TLL2: variants seen among roughly 807,000 people sequenced by gnomAD.
TLL2 encodes the protein tolloid-like protein 2.
TLL2 carries 106 observed loss-of-function variants against 123.0 expected under a neutral mutation model. The observed-to-expected ratio is 0.86, with a 90% CI of 0.74 to 1.01. The LOEUF is 1.01. TLL2 is among the 50% of genes least tolerant of loss of function. The pLI, the probability that TLL2 is intolerant of heterozygous loss-of-function variation, is 0.00. For missense variants in TLL2, 1,332 were observed against 1,336.7 expected, an observed-to-expected ratio of 1.00 and a Z score of 0.06; for synonymous variants, 494 against 516.8, an observed-to-expected ratio of 0.96 and a Z score of 0.60.
intron 1 of TLL2, among the ~76,000 whole-genome samples, chr10:96,512,449 C>G (rs1472357560): frequency 6.6e-6 from 1 of 152,236 alleles, no homozygotes; most frequent in South Asian, 2.1e-4. Flanking sequence ...GCCCACAGGC[C>G]CCGCAGAGAC....
chr10:96,513,636 A>C lies in TLL2; in HGVS notation c.50T>G (p.Leu17Arg), dbSNP rs767711021. Residue 17 changes from leucine to arginine, a missense_variant, in exon 1 of 21, where the codon CTG (leucine) becomes CGG (arginine). Leu to Arg is a moderately radical substitution (Grantham distance 102). Coordinates refer to ENST00000357947, the MANE Select transcript of TLL2 (RefSeq NM_012465.4). Reference protein sequence around the residue: ...LGALVSLLLLLPLPRGAGGLG... With the variant: ...LGALVSLLLLRPLPRGAGGLG... ...TCCCCCGGCGCCGCGAGGCAGCGGC[A>C]GCAGCAGCAGCAGTGACACCAGGGC... is the stretch of plus-strand genomic sequence containing the variant. 4.5e-6 allele frequency: 7 copies of C among 1,570,066 alleles called. No homozygotes were observed. In the South Asian group the frequency reaches 8.0e-5, roughly 18 times the overall value.
chr10:96,407,643 C>T (rs1475538883), intron 9 of TLL2, among the ~76,000 whole-genome samples: 1 of 152,250 alleles, frequency 6.6e-6, no homozygotes, highest in African/African-American at 2.4e-5. Context: ...CCACACCTCG[C>T]AAGCTGCCCA....
At chr10:96,513,262 GCT>G (rs776851187) in intron 1 of TLL2, among the ~76,000 whole-genome samples, 1 of 152,158 alleles carries the variant, frequency 6.6e-6, no homozygotes, top group African/African-American at 2.4e-5. Context: ...TCTGGCACCC[GCT>G]CTGATTCGCT....
At chr10:96,492,586 T>G (rs896963389) in intron 1 of TLL2, among the ~76,000 whole-genome samples, 5 of 152,200 alleles carry the variant, frequency 3.3e-5, no homozygotes, top group African/African-American at 1.2e-4. Flanking sequence ...ATCGCTCCAA[T>G]GCACTCCAGC....
chr10:96,485,876 T>C (rs1357797408), intron 1 of TLL2, among the ~76,000 whole-genome samples: 1 of 152,142 alleles, frequency 6.6e-6, no homozygotes, highest in Non-Finnish European at 1.5e-5. Flanking sequence ...TGCAGCGCCA[T>C]TTTTCCCCCA....
chr10:96,373,815 G>A lies in TLL2; in HGVS notation c.2449-6C>T, dbSNP rs1377175215. On this transcript the variant is annotated splice_polypyrimidine_tract_variant and splice_region_variant and intron_variant, in intron 18 of 20. Transcript: ENST00000357947. ...ATCTCAAACTCATTAAAGGTCTGGG[G>A]ACAGAAGAGCAGAAAGTAAGGCAAG... 1 of 1,612,444 alleles carries A rather than the reference G, an allele frequency of 6.2e-7. No individual in the cohort carries two copies. The highest frequency in any genetic ancestry group is 8.5e-7 in the Non-Finnish European group (1 of 1,179,736).
At position 96,483,109 on chromosome 10, in the gene TLL2, C is replaced by T. The variant is rs150548360; in HGVS notation, c.176-2650G>A. Among the ~76,000 whole-genome samples, 467 of 152,258 alleles carry T rather than the reference C, an allele frequency of 3.1e-3. 3 individuals are homozygous for T. The highest frequency in any genetic ancestry group is 0.023 in the East Asian group (120 of 5,182). ...GCGTAGGACCAAAAAAAGTCATTAG[C>T]ATGGCCTATAAGAGGCTGCTAATGT... is the stretch of plus-strand genomic sequence containing the variant. On this transcript the variant is annotated intron_variant, in intron 1 of 20. Coordinates refer to ENST00000357947, the MANE Select transcript of TLL2 (RefSeq NM_012465.4).
chr10:96,486,316 T>C (rs988763178), intron 1 of TLL2, among the ~76,000 whole-genome samples: 1 of 152,224 alleles, frequency 6.6e-6, no homozygotes, highest in Non-Finnish European at 1.5e-5. Context: ...CTGGGTTTTA[T>C]CCATATAGTT....
At chr10:96,437,591 A>C (rs939108087) in intron 3 of TLL2, among the ~76,000 whole-genome samples, 2 of 152,142 alleles carry the variant, frequency 1.3e-5, no homozygotes, top group Non-Finnish European at 2.9e-5. Context: ...GGCAACCACC[A>C]GTCTGTTTCC....
intron 1 of TLL2, among the ~76,000 whole-genome samples, chr10:96,508,630 A>G (rs1203485274): frequency 6.6e-6 from 1 of 152,072 alleles, no homozygotes; most frequent in South Asian, 2.1e-4. Flanking sequence ...CAGCATTTTC[A>G]TATCATTTGA....
At chr10:96,431,468 A>G (rs1277445327) in intron 4 of TLL2, among the ~76,000 whole-genome samples, 2 of 152,178 alleles carry the variant, frequency 1.3e-5, no homozygotes, top group Admixed American at 1.3e-4. Context: ...CTCAGAGTAG[A>G]GGTCACAGAG....
intron 7 of TLL2, among the ~76,000 whole-genome samples, chr10:96,420,180 G>A (rs1846605209): frequency 6.6e-6 from 1 of 152,208 alleles, no homozygotes; most frequent in Non-Finnish European, 1.5e-5. Flanking sequence ...AAAGTACCAA[G>A]AGAGAAAATA....
chr10:96,441,694 C>G (rs1342301257), intron 3 of TLL2, among the ~76,000 whole-genome samples: 1 of 152,090 alleles, frequency 6.6e-6, no homozygotes, highest in Non-Finnish European at 1.5e-5. Context: ...GCGGTGGTGA[C>G]CCAGGTAATG....
chr10:96,405,897 C>T (rs1039992998), intron 9 of TLL2, among the ~76,000 whole-genome samples: 14 of 152,180 alleles, frequency 9.2e-5, no homozygotes, highest in African/African-American at 3.1e-4. Context: ...TCAGCCTGTG[C>T]TGGCCAATTG....
intron 2 of TLL2, among the ~76,000 whole-genome samples, 193 bp downstream of exon 2, chr10:96,480,156 T>C (rs2281802): frequency 0.87 from 132,152 of 152,198 alleles, 57,392 homozygotes; most frequent in Middle Eastern, 0.97. Context: ...TTTTCTTAGA[T>C]GAATCAGCAA....
At chr10:96,416,175 G>T (rs914397462) in intron 7 of TLL2, among the ~76,000 whole-genome samples, 2 of 152,140 alleles carry the variant, frequency 1.3e-5, no homozygotes, top group African/African-American at 2.4e-5. Context: ...CTGCCCTAAC[G>T]AAAGGTGTGT....
chr10:96,388,494 C>A (rs1047988905), intron 13 of TLL2, among the ~76,000 whole-genome samples: 1 of 152,194 alleles, frequency 6.6e-6, no homozygotes, highest in Non-Finnish European at 1.5e-5. Context: ...TGGTAAAGAC[C>A]TGGAAAGTTA....
chr10:96,433,108 C>G, intron 3 of TLL2, 146 bp from the exon 4 acceptor site: 1 of 1,100,486 alleles, frequency 9.1e-7, no homozygotes, highest in South Asian at 1.7e-5. Flanking sequence ...TTTGGAAGCC[C>G]TGGGTGGCAG....
chr10:96,463,368 G>A (rs892559881), intron 2 of TLL2, among the ~76,000 whole-genome samples: 9 of 152,246 alleles, frequency 5.9e-5, no homozygotes, highest in Non-Finnish European at 8.8e-5. Flanking sequence ...GAAAGGGGCC[G>A]GTCCTGGCCC....
Sources: gnomAD v4.1 joint callset for allele counts (sites outside exome capture counted in the v4.1 genomes callset) on GRCh38, gnomAD v4.1.1 for gene constraint, MANE v1.5 for transcripts, NCBI Gene and HGNC (gene_info 2026-07-23, HGNC 2026-07-21) for gene names.